FBXW4: variants seen among roughly 807,000 people sequenced by gnomAD.
The protein encoded by FBXW4 is F-box/WD repeat-containing protein 4.
Under a neutral mutation model 61.8 loss-of-function variants are expected in FBXW4, and 40 were observed. That is an observed-to-expected ratio of 0.65 (90% CI 0.50 to 0.84). The LOEUF (loss-of-function observed/expected upper bound fraction) is 0.84, where lower values mean the gene tolerates loss of function less well. FBXW4 is among the 40% of genes least tolerant of loss of function. The pLI is 0.00. For missense variants in FBXW4, 672 were observed against 753.8 expected, an observed-to-expected ratio of 0.89 and a Z score of 1.27; for synonymous variants, 311 against 313.8, an observed-to-expected ratio of 0.99 and a Z score of 0.10.
At chr10:101,657,843 G>C (rs963713665) in intron 5 of FBXW4, among the ~76,000 whole-genome samples, 22 of 152,124 alleles carry the variant, frequency 1.4e-4, no homozygotes, top group African/African-American at 4.6e-4. Flanking sequence ...TAAAATTCTA[G>C]TCAGCAAAGC....
At chr10:101,618,077 C>T (rs1005188113) in intron 6 of FBXW4, among the ~76,000 whole-genome samples, 1 of 152,202 alleles carries the variant, frequency 6.6e-6, no homozygotes, top group African/African-American at 2.4e-5. Context: ...CTCAGAGTGG[C>T]CCAGCCTGTG....
At chr10:101,676,975 G>GT (rs1385572106) in intron 1 of FBXW4, among the ~76,000 whole-genome samples, 3 of 152,114 alleles carry the variant, frequency 2.0e-5, no homozygotes, top group Non-Finnish European at 4.4e-5. Flanking sequence ...TACACAAGCC[G>GT]TCGTCTGGGA....
chr10:101,648,320 T>A (rs1316014650), intron 5 of FBXW4, among the ~76,000 whole-genome samples: 3 of 152,128 alleles, frequency 2.0e-5, no homozygotes, highest in Non-Finnish European at 2.9e-5. Context: ...TGATTGAGAT[T>A]TTCTACCCCC....
chr10:101,669,714 A>G (rs1038335279), intron 4 of FBXW4, among the ~76,000 whole-genome samples: 2 of 152,112 alleles, frequency 1.3e-5, no homozygotes, highest in Non-Finnish European at 2.9e-5. Flanking sequence ...TCCATGGCCA[A>G]ATTCAAAACA....
intron 5 of FBXW4, among the ~76,000 whole-genome samples, chr10:101,648,432 G>A (rs2064118959): frequency 6.6e-6 from 1 of 152,150 alleles, no homozygotes; most frequent in Non-Finnish European, 1.5e-5. Context: ...CAGAACTTAG[G>A]TAAGTCACTT....
At chr10:101,649,090 C>T (rs2064125039) in intron 5 of FBXW4, among the ~76,000 whole-genome samples, 1 of 151,670 alleles carries the variant, frequency 6.6e-6, no homozygotes. Flanking sequence ...CAGGGAATCC[C>T]CAAAGAGGCT....
At chr10:101,687,190 A>AT (rs2064542539) in intron 1 of FBXW4, among the ~76,000 whole-genome samples, 1 of 152,018 alleles carries the variant, frequency 6.6e-6, no homozygotes, top group African/African-American at 2.4e-5. Flanking sequence ...CCCCATCCTC[A>AT]TCCCCCCTAC....
chr10:101,679,844 C>T (rs780918703), intron 1 of FBXW4, among the ~76,000 whole-genome samples: 2 of 152,110 alleles, frequency 1.3e-5, no homozygotes, highest in African/African-American at 2.4e-5. Context: ...ACCTGAATAG[C>T]GTACACTGTA....
intron 5 of FBXW4, among the ~76,000 whole-genome samples, chr10:101,655,655 T>G (rs2064178406): frequency 6.6e-6 from 1 of 152,138 alleles, no homozygotes; most frequent in Non-Finnish European, 1.5e-5. Context: ...CTAGGACAGC[T>G]AAAGCTGCAG....
In FBXW4 at chr10:101,655,348, G is replaced by A. The variant is rs571328281; in HGVS notation, c.1235+12538C>T. On this transcript the variant is annotated intron_variant, in intron 5 of 8. Transcript: ENST00000331272. ...ATCAGCCTGCAAAGAAGGATTTTCC[G>A]GACCAAAGACTTCTAACAACTGGAA... is the stretch of plus-strand genomic sequence containing the variant. Among the ~76,000 whole-genome samples the A allele has an allele frequency of 1.6e-4, 24 of 152,196 alleles. No individual in the cohort carries two copies. The South Asian group carries it at 3.1e-3, about 20-fold the overall frequency.
intron 1 of FBXW4, among the ~76,000 whole-genome samples, chr10:101,687,843 C>T (rs1349366738): frequency 1.3e-5 from 2 of 152,144 alleles, no homozygotes; most frequent in Non-Finnish European, 2.9e-5. Context: ...TAAAAACACC[C>T]CATCACCAGG....
chr10:101,616,795 G>A (rs189977091), intron 6 of FBXW4, among the ~76,000 whole-genome samples: 5 of 152,358 alleles, frequency 3.3e-5, no homozygotes, highest in East Asian at 1.9e-4. Flanking sequence ...AACTCCGTGA[G>A]TGGCAGACAG....
At position 101,694,501 on chromosome 10, in the gene FBXW4, G is replaced by A; in HGVS notation, c.605C>T (p.Ala202Val). 1 of 1,521,582 alleles carries A rather than the reference G, an allele frequency of 6.6e-7. No individual in the cohort carries two copies. Among genetic ancestry groups the A allele is most frequent in the African/African-American group, 1.4e-5 (1 of 69,872 alleles). The allele number at this position is 1,521,582 out of a possible 1,614,324, so 94.3% of individuals were successfully genotyped here. A position where few individuals can be genotyped will look rare whatever the true frequency, so the allele number is the denominator to read the frequency against. The part of the protein sequence containing the change: ...LLICSYLDMR[A>V]LGRLAQVCRW... Reference sequence around the variant, plus strand: ...GCACACCTGGGCCAGGCGGCCGAGGGCCCGCATGTCCAGGTAGGAGCAGAT... The same window carrying A: ...GCACACCTGGGCCAGGCGGCCGAGGACCCGCATGTCCAGGTAGGAGCAGAT... The change falls in exon 1 of 9, where the codon GCC (alanine) becomes GTC (valine). Residue 202 changes from alanine to valine, a missense_variant. This residue lies in a region of FBXW4 where 311 missense variants were observed against 301.1 expected (regional missense o/e 1.03). Transcript: ENST00000331272. This position sits in a 1 kb window ranked among gnomAD's most constrained non-coding sequence, Gnocchi z 6.0.
chr10:101,691,647 A>C (rs2064605078), intron 1 of FBXW4, among the ~76,000 whole-genome samples: 1 of 152,174 alleles, frequency 6.6e-6, no homozygotes, highest in Non-Finnish European at 1.5e-5. Context: ...AATAAACATC[A>C]ATTCTTTCAT....
intron 5 of FBXW4, among the ~76,000 whole-genome samples, chr10:101,636,751 C>T (rs1443829295): frequency 6.6e-6 from 1 of 152,022 alleles, no homozygotes; most frequent in African/African-American, 2.4e-5. Flanking sequence ...CCACACCTGG[C>T]TAATTTTTTG....
chr10:101,683,548 T>C (rs1006871764), intron 1 of FBXW4, among the ~76,000 whole-genome samples: 3 of 152,166 alleles, frequency 2.0e-5, no homozygotes, highest in African/African-American at 7.2e-5. Flanking sequence ...GAAATTAATC[T>C]AGGCAGTTAT....
intron 5 of FBXW4, among the ~76,000 whole-genome samples, chr10:101,662,622 C>A (rs919135369): frequency 6.6e-6 from 1 of 152,210 alleles, no homozygotes; most frequent in Non-Finnish European, 1.5e-5. Flanking sequence ...ACCACACTCT[C>A]TCACACGATA....
intron 5 of FBXW4, among the ~76,000 whole-genome samples, chr10:101,660,718 C>T (rs2064234282): frequency 6.6e-6 from 1 of 152,184 alleles, no homozygotes; most frequent in Non-Finnish European, 1.5e-5. Context: ...TCCCATTTCC[C>T]TTCCTGATGA....
rs551900850 is a variant in FBXW4 at position 101,685,983 on chromosome 10, G to T, written c.725+8398C>A. Among the ~76,000 whole-genome samples, 510 of 151,060 alleles carry T rather than the reference G, an allele frequency of 3.4e-3. 7 individuals carry two copies. The highest frequency in any genetic ancestry group is 5.3e-3 in the Non-Finnish European group (354 of 67,194). ...CCAAAGCCTCTAAATTCTTATTCTA[G>T]AGAGGCTCAAGGGAAGAAATCTGAG... On this transcript the variant is annotated intron_variant, in intron 1 of 8. Transcript: ENST00000331272.
Sources: allele counts gnomAD v4.1 joint callset (sites outside exome capture counted in the v4.1 genomes callset), GRCh38; gene constraint gnomAD v4.1.1; regional missense constraint gnomAD v4.1.1; non-coding constraint Gnocchi (gnomAD v3.1); transcripts MANE v1.5; gene names NCBI Gene and HGNC (gene_info 2026-07-23, HGNC 2026-07-21).